Variants in GRID2 observed in about 807,000 individuals in gnomAD.
The protein encoded by GRID2 is glutamate ionotropic receptor delta type subunit 2, also known as glutamate receptor ionotropic, delta-2.
GRID2 carries 33 observed loss-of-function variants against 114.8 expected under a neutral mutation model. The observed-to-expected ratio is 0.29, with a 90% CI of 0.22 to 0.38. GRID2 has a LOEUF of 0.38. Among genes scored for constraint, GRID2 ranks in the 10% least tolerant of loss-of-function variants. GRID2 has a pLI of 1.00. For missense variants in GRID2, 1,184 were observed against 1,257.7 expected (o/e 0.94, Z 0.89); for synonymous variants, 505 against 449.9 (o/e 1.12, Z -1.55).
At chr4:93,382,095 A>G (rs1487405936) in intron 8 of GRID2, among the ~76,000 whole-genome samples, 9 of 152,058 alleles carry the variant, frequency 5.9e-5, no homozygotes, top group Admixed American at 2.0e-4. Context: ...GGTTTCCAAA[A>G]TTTCTGATAA....
At chr4:93,612,445 G>A (rs1228605886) in intron 13 of GRID2, among the ~76,000 whole-genome samples, 2 of 137,116 alleles carry the variant, frequency 1.5e-5, no homozygotes, top group African/African-American at 2.8e-5. Context: ...TGCAGCGGCT[G>A]GTACCGGTTG....
intron 4 of GRID2, among the ~76,000 whole-genome samples, chr4:93,166,971 A>C (rs1485064083): frequency 6.6e-6 from 1 of 152,154 alleles, no homozygotes; most frequent in Non-Finnish European, 1.5e-5. Flanking sequence ...GAGGCAGTGC[A>C]TTGACAATTA....
rs981848276 is a variant in GRID2, at chr4:92,326,659, A to G, written c.88+21915A>G. On this transcript the variant is annotated intron_variant, in intron 1 of 15. Transcript: ENST00000282020. ...ATTTATTAAGTACTCACAATATGCC[A>G]ATCATTGTTGCAAGCACTTTCTAGG... 8.5e-5 allele frequency among the ~76,000 whole-genome samples: 13 copies of G among 152,124 alleles called. No individual in the cohort carries two copies. In the South Asian group the frequency reaches 2.7e-3, roughly 32 times the overall value.
In GRID2 at chr4:93,038,586, C is replaced by T. The variant is rs562455320; in HGVS notation, c.245-46409C>T. Among the ~76,000 whole-genome samples the T allele has an allele frequency of 5.9e-5, 9 of 152,082 alleles. No homozygotes were observed. The East Asian group carries it at 9.7e-4, about 16-fold the overall frequency. The stretch of plus-strand genomic sequence containing the variant: ...CGGGTGGATCATGAAGTCAGGAGAT[C>T]GAGACCATCCTGGCTAACATGGTGA... On this transcript the variant is annotated intron_variant, in intron 2 of 15. Coordinates refer to ENST00000282020, the MANE Select transcript of GRID2 (RefSeq NM_001510.4).
chr4:93,758,699 G>T (rs1732964693), intron 14 of GRID2, among the ~76,000 whole-genome samples: 1 of 152,006 alleles, frequency 6.6e-6, no homozygotes, highest in African/African-American at 2.4e-5. Context: ...CAGACTCAAG[G>T]ATATGAAAAT....
chr4:92,421,237 G>A (rs966921298), intron 1 of GRID2, among the ~76,000 whole-genome samples: 1 of 151,498 alleles, frequency 6.6e-6, no homozygotes, highest in Non-Finnish European at 1.5e-5. Context: ...AGATCTGTAC[G>A]GACTGTTTTA....
chr4:92,999,972 G>A (rs983356235), intron 2 of GRID2, among the ~76,000 whole-genome samples: 9 of 151,686 alleles, frequency 5.9e-5, no homozygotes, highest in African/African-American at 2.2e-4. Flanking sequence ...TATTCTGAAA[G>A]AGAATTCTAA....
At chr4:93,079,152 T>TAATA in intron 2 of GRID2, among the ~76,000 whole-genome samples, 1 of 151,794 alleles carries the variant, frequency 6.6e-6, no homozygotes, top group East Asian at 1.9e-4. Flanking sequence ...AAAAATAAAG[T>TAATA]AATATTTCAT....
chr4:92,602,614 C>T (rs1729269327), intron 2 of GRID2, among the ~76,000 whole-genome samples: 1 of 151,962 alleles, frequency 6.6e-6, no homozygotes, highest in Admixed American at 6.6e-5. Flanking sequence ...ATTGGCAAAA[C>T]CTGGAAGCAT....
chr4:93,115,846 C>G (rs1303907626), intron 4 of GRID2, among the ~76,000 whole-genome samples: 1 of 152,070 alleles, frequency 6.6e-6, no homozygotes, highest in East Asian at 1.9e-4. Context: ...ATTCAATTAC[C>G]TCCCCCAGGT....
intron 1 of GRID2, among the ~76,000 whole-genome samples, chr4:93,799,309 T>G (rs191851474): frequency 1.3e-5 from 2 of 152,298 alleles, no homozygotes; most frequent in East Asian, 3.9e-4. Flanking sequence ...TGTTCCTAGA[T>G]TTGAGTGACA....
At chr4:92,596,159 C>T (rs1728942098) in intron 2 of GRID2, among the ~76,000 whole-genome samples, 1 of 152,114 alleles carries the variant, frequency 6.6e-6, no homozygotes, top group Admixed American at 6.6e-5. Context: ...ATAAACTAAA[C>T]TTGAGAATTG....
intron 2 of GRID2, among the ~76,000 whole-genome samples, chr4:92,703,787 A>G (rs1221874365): frequency 6.6e-6 from 1 of 152,088 alleles, no homozygotes; most frequent in Non-Finnish European, 1.5e-5. Context: ...TTAACTGGTT[A>G]CATTCTTCTA....
chr4:92,989,098 A>G (rs923303665), intron 2 of GRID2, among the ~76,000 whole-genome samples: 2 of 152,070 alleles, frequency 1.3e-5, no homozygotes, highest in Admixed American at 6.6e-5. Context: ...TAACACGGTG[A>G]AACCCCATCT....
chr4:93,082,281 G>T (rs763959552), intron 2 of GRID2, among the ~76,000 whole-genome samples: 1 of 152,132 alleles, frequency 6.6e-6, no homozygotes, highest in Non-Finnish European at 1.5e-5. Flanking sequence ...CCTATTTAGA[G>T]CTTTATCTTT....
chr4:92,762,552 T>A (rs1048587684), intron 2 of GRID2, among the ~76,000 whole-genome samples: 1 of 152,282 alleles, frequency 6.6e-6, no homozygotes, highest in East Asian at 1.9e-4. Context: ...AGTCAGAGTA[T>A]ATATTTCTAT....
At chr4:93,317,272 T>C (rs1471436383) in intron 8 of GRID2, among the ~76,000 whole-genome samples, 1 of 152,026 alleles carries the variant, frequency 6.6e-6, no homozygotes, top group African/African-American at 2.4e-5. Context: ...CCAAATCTGC[T>C]GTTCATAAGG....
intron 1 of GRID2, among the ~76,000 whole-genome samples, chr4:92,535,704 T>C (rs991453841): frequency 6.6e-6 from 1 of 152,128 alleles, no homozygotes; most frequent in African/African-American, 2.4e-5. Context: ...TAGAAATCTA[T>C]TGTGTCTGGA....
At chr4:93,781,342 C>T (rs1484800578) in intron 1 of GRID2, among the ~76,000 whole-genome samples, 1 of 151,018 alleles carries the variant, frequency 6.6e-6, no homozygotes, top group East Asian at 2.0e-4. Context: ...CGGTGAGGCC[C>T]ACTGGGCTGC....
Sources: allele counts gnomAD v4.1 joint callset (sites outside exome capture counted in the v4.1 genomes callset), GRCh38; gene constraint gnomAD v4.1.1; transcripts MANE v1.5; gene names NCBI Gene and HGNC (gene_info 2026-07-23, HGNC 2026-07-21).